Variants in PTPRN2 observed in about 807,000 individuals in gnomAD.
PTPRN2 encodes the protein receptor-type tyrosine-protein phosphatase N2.
Under a neutral mutation model 118.8 loss-of-function variants are expected in PTPRN2, and 74 were observed. That is an observed-to-expected ratio of 0.62 (90% CI 0.52 to 0.76). The LOEUF (loss-of-function observed/expected upper bound fraction) is 0.76. Ranked by LOEUF, PTPRN2 falls within the 30% of genes least tolerant of loss-of-function variation. PTPRN2 has a pLI of 0.00. For synonymous variants in PTPRN2, 641 were observed against 608.0 expected, an observed-to-expected ratio of 1.05 and a Z score of -0.80; for missense variants, 1,481 against 1,394.4, an observed-to-expected ratio of 1.06 and a Z score of -0.99.
At chr7:158,153,249 C>T (rs1258072624) in intron 6 of PTPRN2, among the ~76,000 whole-genome samples, 1 of 152,192 alleles carries the variant, frequency 6.6e-6, no homozygotes, top group Non-Finnish European at 1.5e-5. Context: ...CTACTCAAAA[C>T]AACCTTGCAC....
chr7:157,921,658 G>A (rs1053369743), intron 11 of PTPRN2, among the ~76,000 whole-genome samples: 2 of 152,346 alleles, frequency 1.3e-5, no homozygotes, highest in African/African-American at 2.4e-5. Flanking sequence ...CATGCTTGTC[G>A]TCTCATTATA....
chr7:157,684,751 C>T (rs1417755793), intron 12 of PTPRN2, among the ~76,000 whole-genome samples: 1 of 151,880 alleles, frequency 6.6e-6, no homozygotes, highest in African/African-American at 2.4e-5. Flanking sequence ...GTTCACGAAA[C>T]CTAAGGCGCC....
chr7:158,564,260 CAAAA>C (rs76122454), intron 1 of PTPRN2, among the ~76,000 whole-genome samples: 1,754 of 151,002 alleles, frequency 0.012, 25 homozygotes, highest in African/African-American at 0.041. Context: ...AGTATTATGA[CAAAA>C]AAAAAGGCAG....
At position 158,320,049 on chromosome 7, in the gene PTPRN2, TCA is replaced by T. The variant is rs1177753161; in HGVS notation, c.164-3119_164-3118del. 3.7e-3 allele frequency among the ~76,000 whole-genome samples: 52 copies of T among 13,884 alleles called. 13 individuals carry two copies. The highest frequency in any genetic ancestry group is 9.4e-3 in the African/African-American group (38 of 4,032). The allele number at this position is 13,884 out of a possible 152,430, so 9.1% of individuals were successfully genotyped here. A position where few individuals can be genotyped will look rare whatever the true frequency, so the allele number is the denominator to read the frequency against. ...CACACACAGCCTCCCTCACACACAC[TCA>T]CAGTCTCCCTCACACACACACACAG... On this transcript the variant is annotated intron_variant, in intron 2 of 22. Coordinates refer to ENST00000389418, the MANE Select transcript of PTPRN2 (RefSeq NM_002847.5).
chr7:158,150,310 A>C (rs1228223279), intron 6 of PTPRN2, among the ~76,000 whole-genome samples: 6 of 152,240 alleles, frequency 3.9e-5, no homozygotes, highest in Non-Finnish European at 5.9e-5. Context: ...ACGTAACCAG[A>C]ACATTCAGCT....
chr7:158,108,463 C>T (rs928556679), intron 10 of PTPRN2, among the ~76,000 whole-genome samples: 1 of 152,204 alleles, frequency 6.6e-6, no homozygotes, highest in Non-Finnish European at 1.5e-5. Flanking sequence ...TCCTACCTGG[C>T]CTGCCCACCG....
intron 2 of PTPRN2, among the ~76,000 whole-genome samples, chr7:158,354,542 C>G: frequency 6.6e-6 from 1 of 152,112 alleles, no homozygotes; most frequent in Non-Finnish European, 1.5e-5. Context: ...AACAAAAATA[C>G]ATTTAGCGAA....
chr7:157,593,636 C>A (rs760279814), intron 17 of PTPRN2, among the ~76,000 whole-genome samples: 4 of 152,222 alleles, frequency 2.6e-5, no homozygotes, highest in Non-Finnish European at 5.9e-5. Context: ...CAGCAGGGGG[C>A]ATCCCTGGAA....
At chr7:158,410,488 T>C (rs1813957214) in intron 2 of PTPRN2, among the ~76,000 whole-genome samples, 1 of 152,202 alleles carries the variant, frequency 6.6e-6, no homozygotes, top group Non-Finnish European at 1.5e-5. Flanking sequence ...CCTCTGGCCC[T>C]GAAGTTCTGC....
At chr7:157,835,008 T>C (rs911011943) in intron 12 of PTPRN2, among the ~76,000 whole-genome samples, 1 of 152,214 alleles carries the variant, frequency 6.6e-6, no homozygotes, top group African/African-American at 2.4e-5. Context: ...GATGAGCTAC[T>C]TCTTGCCTTT....
chr7:157,811,028 T>C (rs2151116762), intron 12 of PTPRN2, among the ~76,000 whole-genome samples: 1 of 152,110 alleles, frequency 6.6e-6, no homozygotes, highest in Non-Finnish European at 1.5e-5. Context: ...TCCTAGCACT[T>C]TGGGAGGCCA....
chr7:158,096,680 C>A (rs1814650973), intron 10 of PTPRN2, among the ~76,000 whole-genome samples: 1 of 152,236 alleles, frequency 6.6e-6, no homozygotes, highest in East Asian at 1.9e-4. Context: ...TCAGACAGGG[C>A]ACTGAAGACG....
chr7:158,059,063 G>C (rs1397071849), intron 11 of PTPRN2, among the ~76,000 whole-genome samples: 1 of 88,784 alleles, frequency 1.1e-5, no homozygotes, highest in Admixed American at 1.2e-4. Context: ...ATCTGCCCAC[G>C]GTGACACATC....
chr7:158,582,072 A>G (rs1278419817), intron 1 of PTPRN2, among the ~76,000 whole-genome samples: 1 of 152,098 alleles, frequency 6.6e-6, no homozygotes, highest in Non-Finnish European at 1.5e-5. Context: ...CCTTCAACAC[A>G]CTGTTTCCAC....
intron 13 of PTPRN2, among the ~76,000 whole-genome samples, chr7:157,679,580 A>G (rs1316819420): frequency 1.3e-5 from 2 of 152,262 alleles, no homozygotes; most frequent in East Asian, 1.9e-4. Context: ...AGGTGTTTGC[A>G]TTAGAAGCTA....
At chr7:157,753,216 C>T (rs926956976) in intron 12 of PTPRN2, among the ~76,000 whole-genome samples, 12 of 152,218 alleles carry the variant, frequency 7.9e-5, no homozygotes, top group Admixed American at 4.6e-4. Context: ...TTCTGTCCCC[C>T]GGGCAGTGCC....
At chr7:158,499,701 G>A (rs1316864893) in intron 1 of PTPRN2, among the ~76,000 whole-genome samples, 1 of 152,088 alleles carries the variant, frequency 6.6e-6, no homozygotes, top group African/African-American at 2.4e-5. Context: ...AACCTGGGAG[G>A]TGGAGGTTTC....
intron 16 of PTPRN2, among the ~76,000 whole-genome samples, chr7:157,602,526 T>C (rs542060453): frequency 4.3e-4 from 58 of 134,754 alleles, no homozygotes; most frequent in Middle Eastern, 4.4e-3. Context: ...AGCTGAGCAC[T>C]GTCTGCCATC....
intron 1 of PTPRN2, among the ~76,000 whole-genome samples, chr7:158,567,865 G>A (rs982897894): frequency 2.0e-5 from 3 of 152,172 alleles, no homozygotes; most frequent in Non-Finnish European, 2.9e-5. Flanking sequence ...GATGGGGCAC[G>A]GGCCATCCCA....
Sources: allele counts gnomAD v4.1 joint callset (sites outside exome capture counted in the v4.1 genomes callset), GRCh38; gene constraint gnomAD v4.1.1; transcripts MANE v1.5; gene names NCBI Gene and HGNC (gene_info 2026-07-23, HGNC 2026-07-21).